The following MPHOSPH9 variants were observed in gnomAD, a reference collection of about 807,000 sequenced individuals.
MPHOSPH9 encodes M-phase phosphoprotein 9.
MPHOSPH9 carries 88 observed loss-of-function variants against 145.5 expected under a neutral mutation model. That is an observed-to-expected ratio of 0.60 (90% CI 0.51 to 0.72). The LOEUF (loss-of-function observed/expected upper bound fraction) is 0.72. MPHOSPH9 is among the 30% of genes least tolerant of loss of function. The probability of loss-of-function intolerance (pLI) is 0.00; values close to 1 mark genes in which losing one functional copy is unlikely to be tolerated. For synonymous variants in MPHOSPH9, 435 were observed against 486.2 expected, an observed-to-expected ratio of 0.89 and a Z score of 1.39; for missense variants, 1,238 against 1,386.6, an observed-to-expected ratio of 0.89 and a Z score of 1.70.
intron 23 of MPHOSPH9, among the ~76,000 whole-genome samples, chr12:123,157,918 A>C (rs2043938290): frequency 6.6e-6 from 1 of 152,228 alleles, no homozygotes; most frequent in Non-Finnish European, 1.5e-5. Flanking sequence ...ATAAGCAAAA[A>C]AGAAAAAAAA....
chr12:123,223,375 C>T (rs1276836421), intron 3 of MPHOSPH9, among the ~76,000 whole-genome samples: 2 of 152,138 alleles, frequency 1.3e-5, no homozygotes, highest in Admixed American at 6.5e-5. Context: ...CAATATACAA[C>T]ATCAGGAAGT....
Position 123,230,347 on chromosome 12 carries a change from C to G in MPHOSPH9, c.18G>C (p.Leu6Phe). 6.5e-7 allele frequency: 1 copy of G among 1,529,132 alleles called. No individual in the cohort carries two copies. The highest frequency in any genetic ancestry group is 8.8e-7 in the Non-Finnish European group (1 of 1,141,370). The allele number at this position is 1,529,132 out of a possible 1,614,324, so 94.7% of individuals were successfully genotyped here. MEEFD[L>F]VKTLHKTSSS... ...ATGAAGTTTTGTGTAAGGTTTTCAC[C>G]AAGTCAAACTCTTCCATAGTGTACA... The change falls in exon 2 of 24, where the codon TTG (leucine) becomes TTC (phenylalanine). Residue 6 changes from leucine to phenylalanine, a missense_variant. Leu to Phe is a conservative substitution (Grantham distance 22). Coordinates refer to ENST00000606320, the MANE Select transcript of MPHOSPH9 (RefSeq NM_022782.4).
At chr12:123,187,024 T>G (rs2045473956) in intron 13 of MPHOSPH9, among the ~76,000 whole-genome samples, 1 of 152,134 alleles carries the variant, frequency 6.6e-6, no homozygotes, top group South Asian at 2.1e-4. Context: ...CTTGGGAGGC[T>G]GAGGCGGGCA....
intron 8 of MPHOSPH9, among the ~76,000 whole-genome samples, chr12:123,204,750 C>T (rs1285987273): frequency 6.6e-6 from 1 of 152,178 alleles, no homozygotes; most frequent in Admixed American, 6.6e-5. Flanking sequence ...TGGCGCAGGC[C>T]TGTAATCCCA....
intron 1 of MPHOSPH9, among the ~76,000 whole-genome samples, chr12:123,231,212 C>T (rs952485616): frequency 6.6e-6 from 1 of 152,118 alleles, no homozygotes; most frequent in Non-Finnish European, 1.5e-5. Context: ...CAACTCCTGG[C>T]CTCAAGTGCT....
intron 2 of MPHOSPH9, among the ~76,000 whole-genome samples, chr12:123,228,366 AAT>A (rs1416534138): frequency 1.1e-4 from 16 of 152,218 alleles, no homozygotes; most frequent in Admixed American, 1.0e-3. Context: ...ACAATAAAAT[AAT>A]AGTTAGGACC....
chr12:123,179,850 C>A, intron 15 of MPHOSPH9, 76 bp downstream of exon 15: 1 of 754,856 alleles, frequency 1.3e-6, no homozygotes, highest in Non-Finnish European at 2.0e-6. Flanking sequence ...GAAAAACTTC[C>A]TTCTCATCAT....
At chr12:123,234,259 C>T (rs2047793099), upstream of MPHOSPH9, among the ~76,000 whole-genome samples, 1 of 152,202 alleles carries the variant, frequency 6.6e-6, no homozygotes. Flanking sequence ...AAGGGACTTC[C>T]CTGGCACTAT....
intron 13 of MPHOSPH9, among the ~76,000 whole-genome samples, chr12:123,190,253 C>T (rs2045620228): frequency 6.6e-6 from 1 of 151,516 alleles, no homozygotes. Context: ...CCTGGGTTTA[C>T]ACCATTCTCC....
At chr12:123,235,103 C>G (rs1375067443), upstream of MPHOSPH9, among the ~76,000 whole-genome samples, 1 of 152,150 alleles carries the variant, frequency 6.6e-6, no homozygotes, top group African/African-American at 2.4e-5. Flanking sequence ...GTGTGTCATT[C>G]CAAAGTTCCT....
intron 23 of MPHOSPH9, 134 bp from the exon 24 acceptor site, chr12:123,157,042 A>T (rs2043896486): frequency 1.8e-6 from 1 of 549,204 alleles, no homozygotes; most frequent in Non-Finnish European, 3.2e-6. Flanking sequence ...TTCTACACGA[A>T]ACATCTTATG....
At chr12:123,215,884 A>G (rs1374938354) in intron 6 of MPHOSPH9, among the ~76,000 whole-genome samples, 1 of 152,222 alleles carries the variant, frequency 6.6e-6, no homozygotes, top group Non-Finnish European at 1.5e-5. Context: ...ATAAGGCACC[A>G]CTTATTTTCT....
At chr12:123,172,870 A>ATTTT (rs1235046875) in intron 16 of MPHOSPH9, among the ~76,000 whole-genome samples, 3 of 32,774 alleles carry the variant, frequency 9.2e-5, no homozygotes, top group Admixed American at 4.4e-4. Context: ...GTTTTCATTC[A>ATTTT]CTTTTTTTTT....
downstream of MPHOSPH9, chr12:123,152,695 A>G: frequency 2.4e-6 from 1 of 417,034 alleles, no homozygotes; most frequent in Non-Finnish European, 4.8e-6. Flanking sequence ...CTGGGGTAGT[A>G]GTTTATTATC....
At chr12:123,213,421 C>T (rs2046829891) in intron 7 of MPHOSPH9, among the ~76,000 whole-genome samples, 1 of 151,940 alleles carries the variant, frequency 6.6e-6, no homozygotes, top group Admixed American at 6.6e-5. Flanking sequence ...CTCACTGCAG[C>T]CTTGACCTCC....
rs775497485 is a variant in MPHOSPH9 at position 123,161,171 on chromosome 12, G to A, written c.3346C>T (p.Arg1116Ter). 5 of 1,613,712 alleles carry A rather than the reference G, an allele frequency of 3.1e-6. No homozygotes were observed. The highest frequency in any genetic ancestry group is 1.7e-5 in the Admixed American group (1 of 59,962). The change falls in exon 22 of 24, where the codon CGA becomes TGA. Residue 1116 changes from arginine (R) to a stop codon, truncating the protein, a stop_gained. Transcript: ENST00000606320. LOFTEE classifies it high-confidence loss of function. Reference sequence around the variant, plus strand: ...TCTTTTGTAAGTTCATCAAAAAATCGTTCTGTTTCAGCTAGGGTCCGAATT... The same window carrying A: ...TCTTTTGTAAGTTCATCAAAAAATCATTCTGTTTCAGCTAGGGTCCGAATT... The part of the protein sequence containing the change: ...AKIRTLAETE[R>*]FFDELTKEKD...
At chr12:123,222,291 C>T (rs555550031) in intron 4 of MPHOSPH9, among the ~76,000 whole-genome samples, 9 of 148,932 alleles carry the variant, frequency 6.0e-5, no homozygotes, top group Admixed American at 2.7e-4. Flanking sequence ...TGTCACTGCA[C>T]GCCAGCCTGG....
intron 13 of MPHOSPH9, among the ~76,000 whole-genome samples, chr12:123,187,769 TG>T (rs1485167199): frequency 1.3e-5 from 2 of 152,158 alleles, no homozygotes; most frequent in Non-Finnish European, 2.9e-5. Flanking sequence ...CTGGGACAAC[TG>T]GTTAATCATT....
Position 123,243,335 on chromosome 12 carries a change from CCTGG to C in MPHOSPH9, c.-159+514_-159+517del. 2.6e-5 allele frequency among the ~76,000 whole-genome samples: 4 copies of C among 151,902 alleles called. No individual in the cohort carries two copies. The Middle Eastern group carries it at 0.01, about 390-fold the overall frequency. ...CACGAGGTCAGGAAATCGAGAACAG[CCTGG>C]CTAACATGGCAAAACCCCGTCTCTA... On this transcript the variant is annotated intron_variant, in intron 1 of 2. Transcript: ENST00000545406.
Sources: gnomAD v4.1 joint callset for allele counts (sites outside exome capture counted in the v4.1 genomes callset) on GRCh38, gnomAD v4.1.1 for gene constraint, MANE v1.5 for transcripts, NCBI Gene and HGNC (gene_info 2026-07-23, HGNC 2026-07-21) for gene names.